ADCY2: variants seen among roughly 807,000 people sequenced by gnomAD.
ADCY2 encodes the protein adenylate cyclase type 2.
Under a neutral mutation model 125.2 loss-of-function variants are expected in ADCY2, and 31 were observed. That is an observed-to-expected ratio of 0.25 (90% confidence interval 0.19 to 0.33). The LOEUF is 0.33. ADCY2 is among the 10% of genes least tolerant of loss of function. ADCY2 has a pLI of 1.00. For synonymous variants in ADCY2, 512 were observed against 548.4 expected (o/e 0.93, Z 0.93); for missense variants, 904 against 1,418.2 (o/e 0.64, Z 5.82).
At chr5:7,504,620 T>TC (rs1232667154) in intron 2 of ADCY2, among the ~76,000 whole-genome samples, 4 of 150,142 alleles carry the variant, frequency 2.7e-5, no homozygotes, top group African/African-American at 9.7e-5. Context: ...TTTCTTTCTT[T>TC]TTTTTTTTTT....
intron 17 of ADCY2, 150 bp downstream of exon 17, chr5:7,766,956 G>A: frequency 9.4e-7 from 1 of 1,069,022 alleles, no homozygotes; most frequent in South Asian, 2.3e-5. Flanking sequence ...ACAAATGTCA[G>A]CCTCTGCTAG....
At chr5:7,808,560 C>T (rs1003522551) in intron 22 of ADCY2, among the ~76,000 whole-genome samples, 2 of 152,150 alleles carry the variant, frequency 1.3e-5, no homozygotes, top group Admixed American at 6.5e-5. Context: ...AACTGAGGCA[C>T]GGAGCAGTCA....
chr5:7,494,260 C>A (rs181815546), intron 2 of ADCY2, among the ~76,000 whole-genome samples: 2 of 152,030 alleles, frequency 1.3e-5, no homozygotes, highest in South Asian at 4.1e-4. Context: ...CTCACCAGGG[C>A]GGATAATCTT....
chr5:7,756,975 C>T (rs557822258), intron 15 of ADCY2, among the ~76,000 whole-genome samples: 13 of 152,244 alleles, frequency 8.5e-5, no homozygotes, highest in South Asian at 6.2e-4. Context: ...TAAGTTCAGG[C>T]GCCAAACTAA....
chr5:7,723,435 A>C (rs1741827424), intron 12 of ADCY2, among the ~76,000 whole-genome samples: 1 of 152,162 alleles, frequency 6.6e-6, no homozygotes, highest in Non-Finnish European at 1.5e-5. Flanking sequence ...TGTGCCTGGC[A>C]GTGAGAGTCT....
At chr5:7,746,035 G>T (rs972466703) in intron 15 of ADCY2, among the ~76,000 whole-genome samples, 2 of 152,182 alleles carry the variant, frequency 1.3e-5, no homozygotes, top group East Asian at 3.9e-4. Flanking sequence ...CCTGTGGCCA[G>T]CCTGAGGCCC....
intron 3 of ADCY2, among the ~76,000 whole-genome samples, chr5:7,618,280 T>C (rs1737831182): frequency 6.6e-6 from 1 of 152,208 alleles, no homozygotes; most frequent in Non-Finnish European, 1.5e-5. Flanking sequence ...TGTTTTCTGA[T>C]TCAGTCATAA....
At chr5:7,636,809 G>C (rs1008583272) in intron 4 of ADCY2, among the ~76,000 whole-genome samples, 13 of 152,122 alleles carry the variant, frequency 8.5e-5, no homozygotes, top group African/African-American at 2.7e-4. Flanking sequence ...TGAACAAATG[G>C]TGGTCACCAG....
intron 22 of ADCY2, among the ~76,000 whole-genome samples, chr5:7,810,428 G>T (rs1050738235): frequency 2.0e-5 from 3 of 151,950 alleles, no homozygotes; most frequent in African/African-American, 4.8e-5. Flanking sequence ...TTATCTGCCT[G>T]ATGGGTGGGT....
intron 3 of ADCY2, among the ~76,000 whole-genome samples, chr5:7,609,978 G>A (rs1246833652): frequency 6.6e-6 from 1 of 152,174 alleles, no homozygotes; most frequent in East Asian, 1.9e-4. Flanking sequence ...CAACCCAGAG[G>A]AGGGCTTCAT....
rs146034552 is a variant in ADCY2, at chr5:7,556,475, A to G, written c.570+35576A>G. On this transcript the variant is annotated intron_variant, in intron 3 of 24. Coordinates refer to ENST00000338316, the MANE Select transcript of ADCY2 (RefSeq NM_020546.3). ...AGTTGAGCCATTATTGTGATTGTAA[A>G]CATCTGTTCTCAGTATGTCAAGCTT... 3.8e-4 allele frequency among the ~76,000 whole-genome samples: 58 copies of G among 152,344 alleles called. No individual in the cohort carries two copies. In the East Asian group the frequency reaches 0.01, roughly 26 times the overall value.
Position 7,766,211 on chromosome 5 carries a change from A to G in ADCY2, c.2095-476A>G, listed in dbSNP as rs1743372695. Among the ~76,000 whole-genome samples, 3 of 152,228 alleles carry G rather than the reference A, an allele frequency of 2.0e-5. No homozygotes were observed. In the South Asian group the frequency reaches 6.2e-4, roughly 32 times the overall value. On this transcript the variant is annotated intron_variant, in intron 16 of 24. Coordinates refer to ENST00000338316, the MANE Select transcript of ADCY2 (RefSeq NM_020546.3). ...TACAAATGTCGAGGCTGGTGATTGC[A>G]TTTTGCCCATAAAATTAATTTTCAT...
intron 5 of ADCY2, among the ~76,000 whole-genome samples, chr5:7,693,309 T>C (rs1740768879): frequency 6.6e-6 from 1 of 152,144 alleles, no homozygotes; most frequent in Admixed American, 6.5e-5. Context: ...GGTCAGGCTC[T>C]AGGTGGGGTT....
intron 7 of ADCY2, among the ~76,000 whole-genome samples, chr5:7,705,894 A>G (rs1365739815): frequency 6.6e-6 from 1 of 152,198 alleles, no homozygotes; most frequent in Non-Finnish European, 1.5e-5. Context: ...TAAGCATGAC[A>G]TACATGCCTA....
At chr5:7,664,762 AAG>A (rs1394002214) in intron 4 of ADCY2, among the ~76,000 whole-genome samples, 5 of 152,154 alleles carry the variant, frequency 3.3e-5, no homozygotes, top group Non-Finnish European at 1.5e-5. Context: ...ATCATCAACT[AAG>A]AGACAGGCAC....
intron 3 of ADCY2, among the ~76,000 whole-genome samples, chr5:7,599,771 G>A (rs547194919): frequency 1.3e-5 from 2 of 152,186 alleles, no homozygotes; most frequent in Non-Finnish European, 2.9e-5. Flanking sequence ...ATCAGTGAAA[G>A]AAGATCTCAA....
intron 3 of ADCY2, among the ~76,000 whole-genome samples, chr5:7,545,928 C>T (rs1046873549): frequency 5.9e-5 from 9 of 152,124 alleles, no homozygotes; most frequent in East Asian, 3.9e-4. Flanking sequence ...TGTGTGCAGA[C>T]GGGGATTACT....
intron 2 of ADCY2, among the ~76,000 whole-genome samples, chr5:7,418,608 G>A (rs956991551): frequency 1.3e-4 from 20 of 149,718 alleles, no homozygotes; most frequent in East Asian, 1.9e-4. Context: ...TATGGGAATG[G>A]GGGTTTAAAA....
intron 3 of ADCY2, among the ~76,000 whole-genome samples, chr5:7,615,801 G>A (rs1388431475): frequency 6.6e-6 from 1 of 152,122 alleles, no homozygotes; most frequent in African/African-American, 2.4e-5. Flanking sequence ...CTGGGTTTTT[G>A]TTGTTGCTGT....
Sources: gnomAD v4.1 joint callset for allele counts (sites outside exome capture counted in the v4.1 genomes callset) on GRCh38, gnomAD v4.1.1 for gene constraint, MANE v1.5 for transcripts, NCBI Gene and HGNC (gene_info 2026-07-23, HGNC 2026-07-21) for gene names.